SPOCK1: variants seen among roughly 807,000 people sequenced by gnomAD.
The protein encoded by SPOCK1 is testican-1.
Under a neutral mutation model 55.3 loss-of-function variants are expected in SPOCK1, and 23 were observed. The ratio of observed to expected loss-of-function variants is 0.42; its 90% CI spans 0.30 to 0.59. SPOCK1 has a LOEUF of 0.59. SPOCK1 is among the 20% of genes least tolerant of loss of function. The pLI, the probability that SPOCK1 is intolerant of heterozygous loss-of-function variation, is 0.22. For missense variants in SPOCK1, 499 were observed against 552.5 expected (o/e 0.90, Z 0.97); for synonymous variants, 226 against 221.0 (o/e 1.02, Z -0.20).
intron 3 of SPOCK1, among the ~76,000 whole-genome samples, chr5:137,214,605 C>T (rs1755679965): frequency 6.6e-6 from 1 of 152,152 alleles, no homozygotes; most frequent in African/African-American, 2.4e-5. Flanking sequence ...TCTATACCTT[C>T]AAACCAATTG....
chr5:137,106,804 C>T (rs1753380267), intron 5 of SPOCK1, among the ~76,000 whole-genome samples: 1 of 152,194 alleles, frequency 6.6e-6, no homozygotes. Flanking sequence ...CAAACCCCTT[C>T]ATGTGGCCCC....
intron 2 of SPOCK1, among the ~76,000 whole-genome samples, chr5:137,325,889 G>A (rs1758066456): frequency 6.6e-6 from 1 of 152,222 alleles, no homozygotes; most frequent in South Asian, 2.1e-4. Flanking sequence ...ACATGTGGGA[G>A]TAACACATTC....
In SPOCK1 at chr5:137,211,874, C is replaced by T. The variant is rs1374107655; in HGVS notation, c.232+55136G>A. On this transcript the variant is annotated intron_variant, in intron 3 of 10. Transcript: ENST00000394945. Reference sequence around the variant, plus strand: ...CCAAGAGGACATGGAAGCCCCGCCCCCTGCCACACACCTTGTCCTATGCAT... The same window carrying T: ...CCAAGAGGACATGGAAGCCCCGCCCTCTGCCACACACCTTGTCCTATGCAT... 4.6e-5 allele frequency among the ~76,000 whole-genome samples: 7 copies of T among 152,296 alleles called. No individual in the cohort carries two copies. The East Asian group carries it at 1.4e-3, about 29-fold the overall frequency.
intron 2 of SPOCK1, among the ~76,000 whole-genome samples, chr5:137,352,572 G>A (rs1750706747): frequency 1.3e-5 from 2 of 152,144 alleles, no homozygotes; most frequent in Non-Finnish European, 2.9e-5. Flanking sequence ...AGAGTGCCTG[G>A]CACAGCTCGT....
chr5:137,178,303 C>T (rs1489356053), intron 3 of SPOCK1, among the ~76,000 whole-genome samples: 1 of 152,248 alleles, frequency 6.6e-6, no homozygotes, highest in Non-Finnish European at 1.5e-5. Context: ...TAAACACATA[C>T]TTTGTGGAAC....
At chr5:137,135,967 A>T (rs1346160168) in intron 4 of SPOCK1, among the ~76,000 whole-genome samples, 1 of 152,234 alleles carries the variant, frequency 6.6e-6, no homozygotes, top group Non-Finnish European at 1.5e-5. Context: ...GGGAGTCTTT[A>T]AATGCACATA....
chr5:137,339,418 AT>A (rs1750363795), intron 2 of SPOCK1, among the ~76,000 whole-genome samples: 1 of 152,236 alleles, frequency 6.6e-6, no homozygotes, highest in African/African-American at 2.4e-5. Context: ...AAATGTATAT[AT>A]AAAGGCCTTT....
intron 2 of SPOCK1, among the ~76,000 whole-genome samples, chr5:137,368,748 CCCCA>C (rs1231807094): frequency 1.2e-4 from 18 of 152,212 alleles, no homozygotes; most frequent in African/African-American, 4.3e-4. Flanking sequence ...ACAGCCCTGT[CCCCA>C]CTGCTTCCAC....
At chr5:137,060,079 C>T (rs1440222237) in intron 6 of SPOCK1, among the ~76,000 whole-genome samples, 1 of 152,112 alleles carries the variant, frequency 6.6e-6, no homozygotes, top group East Asian at 1.9e-4. Flanking sequence ...ACCATTTGAC[C>T]CAACAATCCC....
intron 4 of SPOCK1, among the ~76,000 whole-genome samples, chr5:137,134,095 T>C (rs1753935117): frequency 6.6e-6 from 1 of 152,190 alleles, no homozygotes; most frequent in Non-Finnish European, 1.5e-5. Context: ...TGCAGTGACC[T>C]CCACTGTGGT....
At chr5:137,469,079 T>C (rs892996608) in intron 2 of SPOCK1, among the ~76,000 whole-genome samples, 13 of 152,228 alleles carry the variant, frequency 8.5e-5, no homozygotes, top group African/African-American at 3.1e-4. Context: ...AACAAGCTTC[T>C]GGCTGGAAGT....
intron 3 of SPOCK1, among the ~76,000 whole-genome samples, chr5:137,190,482 T>C (rs1755158934): frequency 6.6e-6 from 1 of 152,224 alleles, no homozygotes; most frequent in African/African-American, 2.4e-5. Context: ...AATTAAGGTA[T>C]GTACATTGAT....
intron 3 of SPOCK1, among the ~76,000 whole-genome samples, chr5:137,241,200 T>C (rs1399676850): frequency 6.6e-6 from 1 of 152,142 alleles, no homozygotes; most frequent in Non-Finnish European, 1.5e-5. Flanking sequence ...CTTTAAGACA[T>C]GCCTGAAAAT....
chr5:137,350,213 A>G (rs879507371), intron 2 of SPOCK1, among the ~76,000 whole-genome samples: 2 of 152,086 alleles, frequency 1.3e-5, no homozygotes, highest in Non-Finnish European at 2.9e-5. Context: ...ACAGAAGGAG[A>G]GCTGAGAAGA....
intron 6 of SPOCK1, among the ~76,000 whole-genome samples, chr5:137,028,910 C>T (rs1042747498): frequency 3.9e-5 from 6 of 152,182 alleles, no homozygotes; most frequent in Admixed American, 6.5e-5. Flanking sequence ...AGACCTCTCC[C>T]AAGGGGCTGG....
At chr5:137,155,439 GTT>G (rs1390727222) in intron 3 of SPOCK1, among the ~76,000 whole-genome samples, 3 of 152,146 alleles carry the variant, frequency 2.0e-5, no homozygotes, top group Non-Finnish European at 2.9e-5. Flanking sequence ...GGCCTCTATT[GTT>G]GCCCAGTTAG....
chr5:137,493,478 G>A (rs538182215), intron 2 of SPOCK1, among the ~76,000 whole-genome samples: 2 of 152,308 alleles, frequency 1.3e-5, no homozygotes, highest in East Asian at 3.9e-4. Flanking sequence ...GGCCAACTGG[G>A]GCAAGGAGCT....
intron 2 of SPOCK1, among the ~76,000 whole-genome samples, chr5:137,473,703 A>C (rs1235332773): frequency 1.3e-5 from 2 of 152,248 alleles, no homozygotes; most frequent in Non-Finnish European, 2.9e-5. Flanking sequence ...AATTTGTCCA[A>C]GTAATTTTCA....
intron 2 of SPOCK1, among the ~76,000 whole-genome samples, chr5:137,497,782 C>G (rs1393433627): frequency 6.6e-6 from 1 of 152,114 alleles, no homozygotes; most frequent in Admixed American, 6.5e-5. Context: ...TTTCAAGATT[C>G]CGAGGGTCAA....
Sources: gnomAD v4.1 joint callset for allele counts (sites outside exome capture counted in the v4.1 genomes callset) on GRCh38, gnomAD v4.1.1 for gene constraint, MANE v1.5 for transcripts, NCBI Gene and HGNC (gene_info 2026-07-23, HGNC 2026-07-21) for gene names.